PLEKHA5: variants seen among roughly 807,000 people sequenced by gnomAD.
PLEKHA5 encodes the protein pleckstrin homology domain containing A5.
In PLEKHA5, 55 loss-of-function variants were observed where a neutral mutation model predicts 181.9. That is an observed-to-expected ratio of 0.30 (90% CI 0.24 to 0.38). The LOEUF is 0.38. Among genes scored for constraint, PLEKHA5 ranks in the 10% least tolerant of loss-of-function variants. PLEKHA5 has a pLI of 1.00. For missense variants in PLEKHA5, 1,432 were observed against 1,549.5 expected, an observed-to-expected ratio of 0.92 and a Z score of 1.27; for synonymous variants, 535 against 529.4, an observed-to-expected ratio of 1.01 and a Z score of -0.15.
intron 3 of PLEKHA5, among the ~76,000 whole-genome samples, chr12:19,166,329 G>A (rs1342872873): frequency 1.3e-5 from 2 of 152,110 alleles, no homozygotes; most frequent in Non-Finnish European, 2.9e-5. Context: ...TTATTTAAAC[G>A]TGTCGTGGTT....
intron 3 of PLEKHA5, among the ~76,000 whole-genome samples, chr12:19,231,067 T>A (rs34787803): frequency 0.02 from 3,106 of 152,278 alleles, 172 homozygotes; most frequent in Admixed American, 0.13. Context: ...TGGTTTTTTT[T>A]AAAACATGGG....
At chr12:19,178,782 T>G (rs963212907) in intron 3 of PLEKHA5, among the ~76,000 whole-genome samples, 2 of 152,194 alleles carry the variant, frequency 1.3e-5, no homozygotes, top group African/African-American at 4.8e-5. Flanking sequence ...TGGGCTAATA[T>G]GCAGTGATGT....
At chr12:19,269,657 T>C in intron 8 of PLEKHA5, 113 bp from the exon 9 acceptor site, 1 of 562,118 alleles carries the variant, frequency 1.8e-6, no homozygotes, top group Admixed American at 3.3e-5. Context: ...ATAAGTCTAC[T>C]TTCTCTGAAA....
chr12:19,364,994 A>G (rs2153274515), intron 29 of PLEKHA5, among the ~76,000 whole-genome samples: 1 of 152,216 alleles, frequency 6.6e-6, no homozygotes, highest in Non-Finnish European at 1.5e-5. Flanking sequence ...AAAAGAAACA[A>G]TCTGTTAATG....
chr12:19,367,258 CTTTTTTTTTTTTTTTT>C (rs376634416), intron 30 of PLEKHA5, among the ~76,000 whole-genome samples: 2 of 72,004 alleles, frequency 2.8e-5, no homozygotes, highest in East Asian at 4.5e-4. Context: ...TTTGCTTCTT[CTTTTTTTTTTTTTTTT>C]TTTTTTTTTG....
At chr12:19,312,919 T>C (rs2087085980) in intron 15 of PLEKHA5, among the ~76,000 whole-genome samples, 1 of 152,192 alleles carries the variant, frequency 6.6e-6, no homozygotes, top group Admixed American at 6.5e-5. Flanking sequence ...TTTAAAGTGA[T>C]AAGCATGCAA....
chr12:19,330,837 G>C (rs775116600), intron 20 of PLEKHA5, among the ~76,000 whole-genome samples: 13 of 151,906 alleles, frequency 8.6e-5, no homozygotes, highest in Non-Finnish European at 1.8e-4. Context: ...ATATCATAAG[G>C]CTTTGATTTT....
chr12:19,206,657 A>C (rs139773646), intron 3 of PLEKHA5, among the ~76,000 whole-genome samples: 1 of 152,202 alleles, frequency 6.6e-6, no homozygotes. Flanking sequence ...CTTTCCTGAA[A>C]TATCTTTATT....
intron 11 of PLEKHA5, among the ~76,000 whole-genome samples, chr12:19,277,689 T>C (rs2074972261): frequency 6.6e-6 from 1 of 152,236 alleles, no homozygotes; most frequent in Admixed American, 6.5e-5. Flanking sequence ...AAATGATTTT[T>C]TATTGGTGGA....
intron 3 of PLEKHA5, among the ~76,000 whole-genome samples, chr12:19,245,571 T>A (rs963404395): frequency 5.3e-5 from 8 of 151,430 alleles, no homozygotes; most frequent in Non-Finnish European, 4.4e-5. Flanking sequence ...CTACTAAAAA[T>A]ACAAAAATTA....
intron 17 of PLEKHA5, 129 bp from the exon 18 acceptor site, chr12:19,320,433 T>G: frequency 2.0e-6 from 1 of 512,384 alleles, no homozygotes; most frequent in Non-Finnish European, 3.4e-6. Flanking sequence ...CTTCTAAAAG[T>G]GTAAGAATCA....
intron 3 of PLEKHA5, among the ~76,000 whole-genome samples, chr12:19,225,934 G>A (rs2059625484): frequency 6.6e-6 from 1 of 152,184 alleles, no homozygotes; most frequent in African/African-American, 2.4e-5. Context: ...CTACTAACTA[G>A]AACTGATTAA....
Position 19,345,840 on chromosome 12 carries a change from A to G in PLEKHA5, c.2663-2A>G. 1 of 1,380,456 alleles carries G rather than the reference A, an allele frequency of 7.2e-7. No homozygotes were observed. Among genetic ancestry groups the G allele is most frequent in the Non-Finnish European group, 1.0e-6 (1 of 979,622 alleles). 85.5% of individuals were successfully genotyped at this position (1,380,456 alleles called of 1,614,324 possible). ...TATAGTTACGTTTTCTAATATTCCC[A>G]GGTATGATAGGATCAAAGCCTTTCT... On this transcript the variant is annotated splice_acceptor_variant, in intron 22 of 31. Coordinates refer to ENST00000429027, the MANE Select transcript of PLEKHA5 (RefSeq NM_001256470.2). LOFTEE classifies it high-confidence loss of function.
At chr12:19,224,041 G>C (rs560915145) in intron 3 of PLEKHA5, among the ~76,000 whole-genome samples, 22 of 152,226 alleles carry the variant, frequency 1.4e-4, no homozygotes, top group Middle Eastern at 3.4e-3. Context: ...CTGTGTGATT[G>C]TTGTCTAGGT....
intron 30 of PLEKHA5, among the ~76,000 whole-genome samples, 199 bp downstream of exon 30, chr12:19,366,308 G>A (rs373551840): frequency 1.3e-5 from 2 of 152,208 alleles, no homozygotes; most frequent in South Asian, 2.1e-4. Context: ...CAACACATTG[G>A]CTTTGGTTTT....
intron 15 of PLEKHA5, among the ~76,000 whole-genome samples, chr12:19,301,865 T>C (rs2081562824): frequency 1.3e-5 from 2 of 152,114 alleles, no homozygotes; most frequent in South Asian, 4.2e-4. Flanking sequence ...TGTTGAAGAG[T>C]GGTTTCAATA....
chr12:19,355,358 T>C (rs2094866519), intron 26 of PLEKHA5, among the ~76,000 whole-genome samples: 1 of 148,738 alleles, frequency 6.7e-6, no homozygotes. Context: ...TTTTTTTTTT[T>C]TTTTTTTTCA....
At chr12:19,309,572 A>G (rs770224970) in intron 15 of PLEKHA5, among the ~76,000 whole-genome samples, 1 of 152,026 alleles carries the variant, frequency 6.6e-6, no homozygotes, top group Non-Finnish European at 1.5e-5. Context: ...CCTGGCCAAC[A>G]TGGTGAAACC....
At chr12:19,133,115 A>C (rs1321033606) in intron 3 of PLEKHA5, among the ~76,000 whole-genome samples, 1 of 151,968 alleles carries the variant, frequency 6.6e-6, no homozygotes, top group Non-Finnish European at 1.5e-5. Flanking sequence ...GCCTCAGTTT[A>C]TTTAAATATG....
Sources: gnomAD v4.1 joint callset for allele counts (sites outside exome capture counted in the v4.1 genomes callset) on GRCh38, gnomAD v4.1.1 for gene constraint, MANE v1.5 for transcripts, NCBI Gene and HGNC (gene_info 2026-07-23, HGNC 2026-07-21) for gene names.